PLCH1: variants seen among roughly 807,000 people sequenced by gnomAD.
PLCH1 encodes the protein phospholipase C eta 1.
Under a neutral mutation model 126.7 loss-of-function variants are expected in PLCH1, and 60 were observed. The ratio of observed to expected loss-of-function variants is 0.47; its 90% CI spans 0.38 to 0.59. The LOEUF (loss-of-function observed/expected upper bound fraction) is 0.59, where lower values mean the gene tolerates loss of function less well. Ranked by LOEUF, PLCH1 falls within the 20% of genes least tolerant of loss-of-function variation. PLCH1 has a pLI of 0.00. For missense variants in PLCH1, 1,723 were observed against 2,040.0 expected (o/e 0.84, Z 2.99); for synonymous variants, 719 against 734.9 (o/e 0.98, Z 0.35).
At chr3:155,592,677 A>C (rs559339374) in intron 4 of PLCH1, among the ~76,000 whole-genome samples, 1 of 152,288 alleles carries the variant, frequency 6.6e-6, no homozygotes, top group Admixed American at 6.5e-5. Context: ...CCAGTGAAGT[A>C]GCTGCCCCTG....
At chr3:155,697,540 G>T (rs1455877717) in intron 2 of PLCH1, among the ~76,000 whole-genome samples, 3 of 152,156 alleles carry the variant, frequency 2.0e-5, no homozygotes, top group Non-Finnish European at 2.9e-5. Flanking sequence ...GTAACATAGG[G>T]GAGCAGCCCC....
In PLCH1 at chr3:155,628,356, G is replaced by GAA. The variant is rs34200511; in HGVS notation, c.80-31980_80-31979dup. 8.4e-3 allele frequency among the ~76,000 whole-genome samples: 824 copies of GAA among 98,132 alleles called. 18 individuals carry two copies. Among genetic ancestry groups the GAA allele is most frequent in the African/African-American group, 0.031 (728 of 23,494 alleles). 64.4% of individuals were successfully genotyped at this position (98,132 alleles called of 152,430 possible). On this transcript the variant is annotated intron_variant, in intron 2 of 22. Coordinates refer to ENST00000460012, the MANE Select transcript of PLCH1 (RefSeq NM_014996.4). ...CCAAAAGTGCCTTCCCTATGCCCAGGAAAAAAAAAAAAAAAAAAAAATCCT... is the reference window on the plus strand; with the variant it reads ...CCAAAAGTGCCTTCCCTATGCCCAGGAAAAAAAAAAAAAAAAAAAAAAATCCT...
chr3:155,563,103 C>T (rs757736084), intron 8 of PLCH1, among the ~76,000 whole-genome samples: 5 of 152,222 alleles, frequency 3.3e-5, no homozygotes, highest in Non-Finnish European at 7.3e-5. Context: ...CTCCTGTTCT[C>T]TGCACTGGCC....
chr3:155,601,867 C>A (rs1331360010), intron 2 of PLCH1, among the ~76,000 whole-genome samples: 1 of 152,148 alleles, frequency 6.6e-6, no homozygotes, highest in African/African-American at 2.4e-5. Context: ...TCACCACAGT[C>A]CTGGACAACC....
chr3:155,544,272 G>C (rs528686043), intron 10 of PLCH1, among the ~76,000 whole-genome samples: 1 of 152,166 alleles, frequency 6.6e-6, no homozygotes, highest in Non-Finnish European at 1.5e-5. Context: ...AACCAACAAA[G>C]ATCAAAAGAG....
chr3:155,743,981 C>T (rs930038095), intron 1 of PLCH1, among the ~76,000 whole-genome samples: 3 of 151,742 alleles, frequency 2.0e-5, no homozygotes, highest in African/African-American at 7.3e-5. Flanking sequence ...GTGATCAAAA[C>T]GGTAACAAGG....
chr3:155,608,437 T>C (rs1024209120), intron 2 of PLCH1, among the ~76,000 whole-genome samples: 9 of 152,098 alleles, frequency 5.9e-5, no homozygotes, highest in African/African-American at 2.2e-4. Context: ...GCTTGAAGCC[T>C]GGGGCAAGGT....
rs780690105 is a variant in PLCH1, at chr3:155,693,597, TATC to T, written c.79+10546_79+10548del. Among the ~76,000 whole-genome samples, 138 of 152,256 alleles carry T rather than the reference TATC, an allele frequency of 9.1e-4. 1 individual carries two copies. The highest frequency in any genetic ancestry group is 1.0e-3 in the Non-Finnish European group (68 of 68,014). ...ATTTTCTACAGTGAACCTGTGTTGCTATCATCAGAAAAAATAAAGTGAAAAAAT... is the reference window on the plus strand; with the variant it reads ...ATTTTCTACAGTGAACCTGTGTTGCTATCAGAAAAAATAAAGTGAAAAAAT... On this transcript the variant is annotated intron_variant, in intron 2 of 22. Coordinates refer to ENST00000460012, the MANE Select transcript of PLCH1 (RefSeq NM_014996.4).
At chr3:155,630,630 C>T (rs1172055339) in intron 2 of PLCH1, among the ~76,000 whole-genome samples, 2 of 152,160 alleles carry the variant, frequency 1.3e-5, no homozygotes, top group Non-Finnish European at 2.9e-5. Flanking sequence ...CTGACTCCGG[C>T]ACTGTAGTTA....
intron 2 of PLCH1, among the ~76,000 whole-genome samples, chr3:155,618,511 A>C (rs371721584): frequency 6.6e-6 from 1 of 152,220 alleles, no homozygotes; most frequent in Non-Finnish European, 1.5e-5. Context: ...ATTCTTTAAC[A>C]ATAAAATTTC....
At chr3:155,620,766 G>C (rs1195204077) in intron 2 of PLCH1, among the ~76,000 whole-genome samples, 1 of 152,204 alleles carries the variant, frequency 6.6e-6, no homozygotes, top group Non-Finnish European at 1.5e-5. Flanking sequence ...CCCAGTCAGG[G>C]ACTTACAGAT....
intron 1 of PLCH1, among the ~76,000 whole-genome samples, chr3:155,710,834 CA>C (rs35396005): frequency 0.37 from 39,031 of 104,292 alleles, 5,365 homozygotes; most frequent in African/African-American, 0.49. Flanking sequence ...AACTCTGTCT[CA>C]AAAAAAAAAA....
chr3:155,603,021 C>T (rs1733934701), intron 2 of PLCH1, among the ~76,000 whole-genome samples: 1 of 152,126 alleles, frequency 6.6e-6, no homozygotes, highest in Non-Finnish European at 1.5e-5. Flanking sequence ...CAGATTTTCA[C>T]ATACAGAATC....
chr3:155,483,194 G>T, intron 22 of PLCH1, 143 bp from the exon 23 acceptor site: 1 of 933,762 alleles, frequency 1.1e-6, no homozygotes, highest in Non-Finnish European at 1.6e-6. Flanking sequence ...GCATAGGTTT[G>T]CAACAAAGTG....
chr3:155,670,908 A>G (rs1203906109), intron 2 of PLCH1, among the ~76,000 whole-genome samples: 2 of 152,134 alleles, frequency 1.3e-5, no homozygotes, highest in Non-Finnish European at 2.9e-5. Flanking sequence ...CAGGAAGTAT[A>G]TATTTGCAGG....
intron 2 of PLCH1, among the ~76,000 whole-genome samples, chr3:155,699,453 T>C (rs1470790567): frequency 6.6e-6 from 1 of 152,152 alleles, no homozygotes; most frequent in African/African-American, 2.4e-5. Flanking sequence ...TGCACAGGTA[T>C]TTTCTGGACC....
At chr3:155,628,058 C>G (rs1261719902) in intron 2 of PLCH1, among the ~76,000 whole-genome samples, 1 of 152,086 alleles carries the variant, frequency 6.6e-6, no homozygotes, top group African/African-American at 2.4e-5. Flanking sequence ...TGAGCCACCA[C>G]TCCCGGGCTT....
Position 155,482,693 on chromosome 3 carries a change from C to T in PLCH1, c.3333G>A (p.Gly1111=), listed in dbSNP as rs1480514891. ...EKGNPEDFVE[G]KSILSGSVLS... ...GGACGCTTCCTGACAAGATGCTTTT[C>T]CCTTCCACAAAGTCCTCAGGATTAC... Residue 1111 remains glycine, a synonymous_variant, in exon 23 of 23, where the codon GGG becomes GGA. Coordinates refer to ENST00000460012, the MANE Select transcript of PLCH1 (RefSeq NM_014996.4). 2 of 1,614,216 alleles carry T rather than the reference C, an allele frequency of 1.2e-6. No individual in the cohort carries two copies. Among genetic ancestry groups the T allele is most frequent in the East Asian group, 4.5e-5 (2 of 44,882 alleles).
intron 21 of PLCH1, among the ~76,000 whole-genome samples, chr3:155,472,065 A>T (rs1459725514): frequency 6.6e-6 from 1 of 152,232 alleles, no homozygotes; most frequent in Non-Finnish European, 1.5e-5. Context: ...GAAGGCAAGA[A>T]ATAACTGAAA....
Sources: allele counts gnomAD v4.1 joint callset (sites outside exome capture counted in the v4.1 genomes callset), GRCh38; gene constraint gnomAD v4.1.1; transcripts MANE v1.5; gene names NCBI Gene and HGNC (gene_info 2026-07-23, HGNC 2026-07-21).